The following TMTC1 variants were observed in gnomAD, a reference collection of about 807,000 sequenced individuals.
TMTC1 encodes transmembrane O-mannosyltransferase targeting cadherins 1.
Under a neutral mutation model 104.8 loss-of-function variants are expected in TMTC1, and 73 were observed. The ratio of observed to expected loss-of-function variants is 0.70; its 90% CI spans 0.58 to 0.85. The LOEUF (loss-of-function observed/expected upper bound fraction) is 0.85, where lower values mean the gene tolerates loss of function less well. Among genes scored for constraint, TMTC1 ranks in the 40% least tolerant of loss-of-function variants. TMTC1 has a pLI of 0.00. For missense variants in TMTC1, 1,035 were observed against 1,096.1 expected, an observed-to-expected ratio of 0.94 and a Z score of 0.79; for synonymous variants, 434 against 428.7, an observed-to-expected ratio of 1.01 and a Z score of -0.15.
chr12:29,538,933 A>T (rs1175771195), intron 10 of TMTC1, among the ~76,000 whole-genome samples: 1 of 152,188 alleles, frequency 6.6e-6, no homozygotes, highest in East Asian at 1.9e-4. Flanking sequence ...GGAGCCGCTG[A>T]GTGTCATTAA....
At chr12:29,547,245 C>A (rs1333072635) in intron 10 of TMTC1, among the ~76,000 whole-genome samples, 1 of 152,300 alleles carries the variant, frequency 6.6e-6, no homozygotes, top group South Asian at 2.1e-4. Context: ...CCCAGCACTT[C>A]CTGGGCAGCT....
intron 1 of TMTC1, among the ~76,000 whole-genome samples, chr12:29,779,414 C>G (rs1042640829): frequency 5.9e-5 from 9 of 152,234 alleles, no homozygotes; most frequent in African/African-American, 2.2e-4. Flanking sequence ...TCATATTCCA[C>G]TGTCCCATCC....
chr12:29,695,277 T>G (rs1247540782), intron 5 of TMTC1, among the ~76,000 whole-genome samples: 1 of 152,144 alleles, frequency 6.6e-6, no homozygotes, highest in Non-Finnish European at 1.5e-5. Flanking sequence ...AAAGACCATT[T>G]TTTGGAAATG....
intron 5 of TMTC1, among the ~76,000 whole-genome samples, chr12:29,706,028 G>A (rs1331393673): frequency 6.6e-6 from 1 of 152,050 alleles, no homozygotes; most frequent in East Asian, 1.9e-4. Context: ...ATCTTCACTA[G>A]TTCTCCAGGA....
intron 5 of TMTC1, among the ~76,000 whole-genome samples, chr12:29,694,173 C>G (rs58883754): frequency 6.6e-6 from 1 of 152,136 alleles, no homozygotes; most frequent in Non-Finnish European, 1.5e-5. Context: ...TGTACTATAA[C>G]GATCCATCCC....
At chr12:29,638,423 C>G (rs1938666898) in intron 5 of TMTC1, among the ~76,000 whole-genome samples, 1 of 152,090 alleles carries the variant, frequency 6.6e-6, no homozygotes, top group African/African-American at 2.4e-5. Context: ...GGATCCCCAT[C>G]CAACTCACTG....
At chr12:29,737,999 C>T (rs1028899567) in intron 5 of TMTC1, among the ~76,000 whole-genome samples, 1 of 152,214 alleles carries the variant, frequency 6.6e-6, no homozygotes, top group African/African-American at 2.4e-5. Flanking sequence ...TTATTATCCA[C>T]TCCCTTTCTT....
chr12:29,683,388 G>T (rs1591920376), intron 5 of TMTC1, among the ~76,000 whole-genome samples: 2 of 152,242 alleles, frequency 1.3e-5, no homozygotes, highest in Middle Eastern at 6.8e-3. Context: ...GAAGAAAGAA[G>T]ATTTAAAAAG....
intron 6 of TMTC1, among the ~76,000 whole-genome samples, chr12:29,626,973 G>A (rs1938029289): frequency 6.6e-6 from 1 of 152,012 alleles, no homozygotes; most frequent in African/African-American, 2.4e-5. Flanking sequence ...GTGGTGGTGG[G>A]TGCCTGTAAT....
intron 5 of TMTC1, among the ~76,000 whole-genome samples, chr12:29,714,243 T>C (rs1416580964): frequency 6.6e-6 from 1 of 152,242 alleles, no homozygotes; most frequent in East Asian, 1.9e-4. Flanking sequence ...AGAAAAATAG[T>C]GGCCAGCGCA....
chr12:29,738,828 C>T (rs1432038265), intron 5 of TMTC1, among the ~76,000 whole-genome samples: 1 of 152,094 alleles, frequency 6.6e-6, no homozygotes, highest in Non-Finnish European at 1.5e-5. Context: ...GACACAGTTT[C>T]CCTCTATCAT....
intron 10 of TMTC1, among the ~76,000 whole-genome samples, chr12:29,550,314 T>G (rs558618585): frequency 3.9e-5 from 6 of 152,036 alleles, no homozygotes; most frequent in Non-Finnish European, 7.4e-5. Flanking sequence ...AAATTAGAGA[T>G]AGGGTTATAA....
intron 5 of TMTC1, among the ~76,000 whole-genome samples, chr12:29,654,126 A>G (rs940070099): frequency 5.3e-5 from 8 of 152,076 alleles, no homozygotes; most frequent in Non-Finnish European, 8.8e-5. Flanking sequence ...CATGCTTCAA[A>G]GGACATCATC....
chr12:29,760,913 AT>A (rs1301983978), intron 2 of TMTC1, among the ~76,000 whole-genome samples: 2 of 147,972 alleles, frequency 1.4e-5, no homozygotes, highest in South Asian at 2.1e-4. Context: ...CATATATTAT[AT>A]TTTCTATATT....
intron 5 of TMTC1, among the ~76,000 whole-genome samples, chr12:29,706,724 C>T (rs1941754890): frequency 6.6e-6 from 1 of 152,142 alleles, no homozygotes; most frequent in African/African-American, 2.4e-5. Flanking sequence ...GAATCAGCTT[C>T]CTGGAGTTTA....
chr12:29,675,761 C>T (rs757551216), intron 5 of TMTC1, among the ~76,000 whole-genome samples: 14 of 152,150 alleles, frequency 9.2e-5, no homozygotes, highest in Admixed American at 3.3e-4. Flanking sequence ...TTCTCACCCA[C>T]GCTTTCCAGC....
intron 8 of TMTC1, among the ~76,000 whole-genome samples, chr12:29,577,398 C>T (rs910363777): frequency 6.6e-6 from 1 of 152,168 alleles, no homozygotes; most frequent in Admixed American, 6.5e-5. Flanking sequence ...AAGGAAAATA[C>T]TCATGCTTCT....
At chr12:29,664,311 G>A (rs1480821125) in intron 5 of TMTC1, among the ~76,000 whole-genome samples, 1 of 151,976 alleles carries the variant, frequency 6.6e-6, no homozygotes, top group African/African-American at 2.4e-5. Context: ...AAAAAAAGAT[G>A]ACCTCTTCAA....
At chr12:29,756,295 T>C (rs1412561958) in intron 3 of TMTC1, among the ~76,000 whole-genome samples, 6 of 152,232 alleles carry the variant, frequency 3.9e-5, no homozygotes, top group Admixed American at 2.0e-4. Context: ...GCTTTACTTC[T>C]TGGTGCTTCA....
Sources: allele counts gnomAD v4.1 joint callset (sites outside exome capture counted in the v4.1 genomes callset), GRCh38; gene constraint gnomAD v4.1.1; transcripts MANE v1.5; gene names NCBI Gene and HGNC (gene_info 2026-07-23, HGNC 2026-07-21).